The following DNM3 variants were observed in gnomAD, a reference collection of about 807,000 sequenced individuals.
The protein encoded by DNM3 is dynamin-3.
In DNM3, 47 loss-of-function variants were observed where a neutral mutation model predicts 101.6. The ratio of observed to expected loss-of-function variants is 0.46; its 90% CI spans 0.37 to 0.59. The LOEUF is 0.59. Among genes scored for constraint, DNM3 ranks in the 20% least tolerant of loss-of-function variants. The pLI, the probability that DNM3 is intolerant of heterozygous loss-of-function variation, is 0.00. For synonymous variants in DNM3, 385 were observed against 387.9 expected (o/e 0.99, Z 0.09); for missense variants, 849 against 1,085.7 (o/e 0.78, Z 3.06).
At chr1:172,176,889 GA>G (rs892964492) in intron 14 of DNM3, among the ~76,000 whole-genome samples, 1 of 151,784 alleles carries the variant, frequency 6.6e-6, no homozygotes, top group African/African-American at 2.4e-5. Flanking sequence ...TTATAGAAAA[GA>G]GGTTGGAGGG....
chr1:172,186,704 A>C (rs2059538548), intron 14 of DNM3, among the ~76,000 whole-genome samples: 1 of 152,104 alleles, frequency 6.6e-6, no homozygotes. Flanking sequence ...TGGTGATAGA[A>C]AGTTTTGAGA....
chr1:171,851,245 C>T (rs931337410), intron 1 of DNM3, among the ~76,000 whole-genome samples: 6 of 152,136 alleles, frequency 3.9e-5, no homozygotes, highest in African/African-American at 1.2e-4. Flanking sequence ...TCCACGAAGC[C>T]AGGAGCTGTG....
chr1:172,395,413 C>T (rs747676130), intron 20 of DNM3, among the ~76,000 whole-genome samples: 2 of 152,142 alleles, frequency 1.3e-5, no homozygotes, highest in Non-Finnish European at 2.9e-5. Flanking sequence ...TCAGGTGATC[C>T]ACCCACCACA....
chr1:171,864,244 A>G (rs1217991943), intron 1 of DNM3: 3 of 152,244 alleles, frequency 2.0e-5, no homozygotes, highest in Non-Finnish European at 4.4e-5. Flanking sequence ...TTGGCATACC[A>G]TTTAAGACAA....
chr1:172,408,314 T>G lies in DNM3; in HGVS notation c.*473T>G. On this transcript the variant is annotated 3_prime_UTR_variant, in exon 21 of 21. Coordinates refer to ENST00000627582, the MANE Select transcript of DNM3 (RefSeq NM_015569.5). ...TACTACCTACTCCATAATTGCCTAT[T>G]TAGCTCCTCTTTTCTTCCTTTTTAT... The G allele has an allele frequency of 1.0e-6, 1 of 986,654 alleles. No individual in the cohort carries two copies. The highest frequency in any genetic ancestry group is 1.2e-6 in the Non-Finnish European group (1 of 830,710). The allele number at this position is 986,654 out of a possible 1,614,324, so 61.1% of individuals were successfully genotyped here.
At chr1:172,104,423 G>A (rs930831833) in intron 13 of DNM3, among the ~76,000 whole-genome samples, 3 of 152,006 alleles carry the variant, frequency 2.0e-5, no homozygotes, top group East Asian at 1.9e-4. Context: ...ACTTACCGGC[G>A]AGGATAAATA....
At chr1:172,050,348 A>G (rs185474588) in intron 10 of DNM3, among the ~76,000 whole-genome samples, 263 of 152,308 alleles carry the variant, frequency 1.7e-3, no homozygotes, top group Middle Eastern at 3.4e-3. Flanking sequence ...GCTTCTCTTT[A>G]GGTTGTCCAT....
chr1:172,178,546 C>T (rs1173874663), intron 14 of DNM3, among the ~76,000 whole-genome samples: 1 of 151,498 alleles, frequency 6.6e-6, no homozygotes, highest in Admixed American at 6.6e-5. Flanking sequence ...TAGGAATGAA[C>T]ATAGATGAAG....
At chr1:172,057,124 C>T (rs903044786) in intron 10 of DNM3, among the ~76,000 whole-genome samples, 23 of 151,724 alleles carry the variant, frequency 1.5e-4, no homozygotes, top group Non-Finnish European at 2.4e-4. Context: ...TGAAATGAAG[C>T]GAGAAGGGAA....
At chr1:171,995,966 A>G (rs1558393382) in intron 4 of DNM3, among the ~76,000 whole-genome samples, 1 of 152,172 alleles carries the variant, frequency 6.6e-6, no homozygotes, top group African/African-American at 2.4e-5. Flanking sequence ...GGATTTGAGT[A>G]TATTGGAATA....
chr1:172,019,377 A>G (rs2047673151), intron 4 of DNM3, among the ~76,000 whole-genome samples: 1 of 149,700 alleles, frequency 6.7e-6, no homozygotes, highest in South Asian at 2.1e-4. Context: ...CATAATTCTT[A>G]TATTTGCAAT....
intron 1 of DNM3, among the ~76,000 whole-genome samples, chr1:171,915,139 G>A (rs892546375): frequency 2.0e-5 from 3 of 152,166 alleles, no homozygotes; most frequent in Admixed American, 6.5e-5. Context: ...ATGCACATTT[G>A]TTGAATTAAT....
At chr1:172,171,138 G>A (rs1222698462) in intron 14 of DNM3, among the ~76,000 whole-genome samples, 1 of 151,676 alleles carries the variant, frequency 6.6e-6, no homozygotes, top group Non-Finnish European at 1.5e-5. Flanking sequence ...GCTCTAATAA[G>A]TCCAAAGGAA....
chr1:171,921,873 T>C lies in DNM3; in HGVS notation c.235+52T>C, dbSNP rs531438158. On this transcript the variant is annotated intron_variant, in intron 2 of 20. Coordinates refer to ENST00000627582, the MANE Select transcript of DNM3 (RefSeq NM_015569.5). ...GGATGGGCACATCCTGTGGCCCCTT[T>C]TGCCTTCATAGGTGTGGGATTGTAC... The C allele has an allele frequency of 1.1e-5, 17 of 1,514,260 alleles. No homozygotes were observed. In the South Asian group the frequency reaches 2.0e-4, roughly 18 times the overall value. 93.8% of individuals were successfully genotyped at this position (1,514,260 alleles called of 1,614,324 possible). A position where few individuals can be genotyped will look rare whatever the true frequency, so the allele number is the denominator to read the frequency against.
At chr1:172,176,510 A>G (rs1264226773) in intron 14 of DNM3, among the ~76,000 whole-genome samples, 2 of 151,934 alleles carry the variant, frequency 1.3e-5, no homozygotes, top group East Asian at 3.9e-4. Context: ...GGGCCTGTAA[A>G]TAGCCAGGTT....
intron 11 of DNM3, among the ~76,000 whole-genome samples, chr1:172,076,124 T>C (rs1247688553): frequency 6.6e-6 from 1 of 152,214 alleles, no homozygotes; most frequent in Non-Finnish European, 1.5e-5. Context: ...TTGTCTATTA[T>C]TGGTGTATAG....
chr1:171,860,000 G>C (rs1363317795), intron 1 of DNM3, among the ~76,000 whole-genome samples: 1 of 152,150 alleles, frequency 6.6e-6, no homozygotes, highest in Non-Finnish European at 1.5e-5. Context: ...AGATAGCAGA[G>C]GGAAGTTCAG....
At chr1:172,120,903 G>T (rs1425730875) in intron 13 of DNM3, among the ~76,000 whole-genome samples, 2 of 152,098 alleles carry the variant, frequency 1.3e-5, no homozygotes, top group Non-Finnish European at 2.9e-5. Flanking sequence ...TTTCCAGTGT[G>T]CCCTCTGACA....
rs569268112 is a variant in DNM3, at chr1:171,855,948, A to G, written c.161+14131A>G. 8.5e-5 allele frequency among the ~76,000 whole-genome samples: 13 copies of G among 152,164 alleles called. No homozygotes were observed. In the East Asian group the frequency reaches 1.5e-3, roughly 18 times the overall value. ...TTTGTTATGAAGTCTGCCCATTCCT[A>G]CGTCTCAGATGGTATTGCCTAAGTT... On this transcript the variant is annotated intron_variant, in intron 1 of 20. Coordinates refer to ENST00000627582, the MANE Select transcript of DNM3 (RefSeq NM_015569.5).
Sources: gnomAD v4.1 joint callset for allele counts (sites outside exome capture counted in the v4.1 genomes callset) on GRCh38, gnomAD v4.1.1 for gene constraint, MANE v1.5 for transcripts, NCBI Gene and HGNC (gene_info 2026-07-23, HGNC 2026-07-21) for gene names.